Variants in AKT3 observed in about 807,000 individuals in gnomAD.
AKT3 encodes the protein RAC-gamma serine/threonine-protein kinase.
In AKT3, 15 loss-of-function variants were observed where a neutral mutation model predicts 65.3. That is an observed-to-expected ratio of 0.23 (90% confidence interval 0.15 to 0.35). The LOEUF (loss-of-function observed/expected upper bound fraction) is 0.35, where lower values mean the gene tolerates loss of function less well. AKT3 is among the 10% of genes least tolerant of loss of function. The pLI, the probability that AKT3 is intolerant of heterozygous loss-of-function variation, is 1.00. For synonymous variants in AKT3, 206 were observed against 183.8 expected, an observed-to-expected ratio of 1.12 and a Z score of -0.98; for missense variants, 243 against 576.5, an observed-to-expected ratio of 0.42 and a Z score of 5.92.
In AKT3 at chr1:243,641,260, A is replaced by G. The variant is rs202220149; in HGVS notation, c.430-3518T>C. 1.2e-4 allele frequency among the ~76,000 whole-genome samples: 17 copies of G among 145,234 alleles called. No individual in the cohort carries two copies. In the East Asian group the frequency reaches 1.6e-3, roughly 14 times the overall value. On this transcript the variant is annotated intron_variant, in intron 5 of 13. Transcript: ENST00000673466. ...AAACTCCATATATATGTGTGTGTGT[A>G]TATATATATATATACACACACACAC...
At chr1:243,698,517 T>C (rs1172132772) in intron 2 of AKT3, among the ~76,000 whole-genome samples, 1 of 152,108 alleles carries the variant, frequency 6.6e-6, no homozygotes, top group Non-Finnish European at 1.5e-5. Context: ...TGTATCTTTT[T>C]TATTAAGCAG....
At chr1:243,565,715 C>T (rs919920377) in intron 9 of AKT3, among the ~76,000 whole-genome samples, 4 of 152,130 alleles carry the variant, frequency 2.6e-5, no homozygotes, top group Non-Finnish European at 4.4e-5. Context: ...CTCTTCTCAG[C>T]CTCTGGTTTC....
At chr1:243,522,426 G>C (rs764714583) in intron 12 of AKT3, among the ~76,000 whole-genome samples, 8 of 152,216 alleles carry the variant, frequency 5.3e-5, no homozygotes, top group Non-Finnish European at 7.3e-5. Context: ...AGGAGGCCAA[G>C]TTGGGCAGAT....
intron 8 of AKT3, among the ~76,000 whole-genome samples, chr1:243,578,952 C>T (rs527632469): frequency 2.7e-4 from 41 of 152,262 alleles, no homozygotes; most frequent in African/African-American, 9.1e-4. Flanking sequence ...GCAGAAAAGA[C>T]ATTCAAAGAA....
chr1:243,766,968 A>G (rs1572308784), intron 2 of AKT3, among the ~76,000 whole-genome samples: 1 of 152,158 alleles, frequency 6.6e-6, no homozygotes, highest in East Asian at 1.9e-4. Context: ...TTATGATGAC[A>G]ATGGCATACC....
In AKT3 at chr1:243,728,256, AAC is replaced by A. The variant is rs988436651; in HGVS notation, c.47-32542_47-32541del. On this transcript the variant is annotated intron_variant, in intron 2 of 13. Transcript: ENST00000673466. ...AATGGTCATCATCCAATTTTAATCAAACACACACACACACCCAGTATTCACTC... is the reference window on the plus strand; with the variant it reads ...AATGGTCATCATCCAATTTTAATCAAACACACACACACCCAGTATTCACTC... 7.9e-5 allele frequency among the ~76,000 whole-genome samples: 12 copies of A among 152,158 alleles called. 1 individual carries two copies. The South Asian group carries it at 1.2e-3, about 16-fold the overall frequency.
chr1:243,644,646 A>G (rs1337356205), intron 5 of AKT3, among the ~76,000 whole-genome samples: 2 of 152,214 alleles, frequency 1.3e-5, no homozygotes, highest in African/African-American at 2.4e-5. Flanking sequence ...ACATCACTCT[A>G]AAACATCTTC....
At chr1:243,690,572 C>G (rs1445685715) in intron 3 of AKT3, among the ~76,000 whole-genome samples, 1 of 152,082 alleles carries the variant, frequency 6.6e-6, no homozygotes, top group African/African-American at 2.4e-5. Flanking sequence ...TTATGTGATC[C>G]ACCCAAAGAA....
At chr1:243,546,074 G>T (rs1460878114) in intron 11 of AKT3, among the ~76,000 whole-genome samples, 1 of 152,086 alleles carries the variant, frequency 6.6e-6, no homozygotes, top group Non-Finnish European at 1.5e-5. Context: ...AATCATGGGG[G>T]CAGGTTTTTC....
chr1:243,550,205 G>A (rs899333937), intron 11 of AKT3, among the ~76,000 whole-genome samples: 11 of 152,198 alleles, frequency 7.2e-5, no homozygotes, highest in African/African-American at 2.7e-4. Flanking sequence ...CTAGAGCAGA[G>A]ACTGGTTCAT....
chr1:243,594,427 C>T (rs899849702), intron 8 of AKT3, among the ~76,000 whole-genome samples: 1 of 152,114 alleles, frequency 6.6e-6, no homozygotes, highest in African/African-American at 2.4e-5. Context: ...AGAGTCAAAA[C>T]AATTCTGAAA....
At chr1:243,571,916 T>C (rs1674591459) in intron 9 of AKT3, among the ~76,000 whole-genome samples, 1 of 152,254 alleles carries the variant, frequency 6.6e-6, no homozygotes, top group Non-Finnish European at 1.5e-5. Context: ...CAACATCTTA[T>C]AGCTTCTATA....
chr1:243,819,580 A>C (rs1351139447), intron 2 of AKT3, among the ~76,000 whole-genome samples: 2 of 152,188 alleles, frequency 1.3e-5, no homozygotes, highest in African/African-American at 4.8e-5. Flanking sequence ...GCTCTGAGGA[A>C]TCCAGGTAGT....
intron 13 of AKT3, among the ~76,000 whole-genome samples, chr1:243,491,606 A>G (rs754633842): frequency 1.3e-5 from 2 of 152,218 alleles, no homozygotes; most frequent in Non-Finnish European, 2.9e-5. Flanking sequence ...ACCTCTAGGT[A>G]GGGGCTGTCA....
At chr1:243,529,283 C>A (rs1433275910) in intron 12 of AKT3, among the ~76,000 whole-genome samples, 2 of 151,628 alleles carry the variant, frequency 1.3e-5, no homozygotes, top group Non-Finnish European at 2.9e-5. Context: ...GTCTCTTTTG[C>A]TGTGCAGAAG....
intron 11 of AKT3, chr1:243,548,025 G>T (rs1396734974): frequency 6.6e-6 from 1 of 152,188 alleles, no homozygotes; most frequent in Non-Finnish European, 1.5e-5. Context: ...CAGTTGTGTA[G>T]GTTTCTTTCC....
At chr1:243,635,184 AAAC>A (rs1391307314) in intron 6 of AKT3, among the ~76,000 whole-genome samples, 1 of 152,002 alleles carries the variant, frequency 6.6e-6, no homozygotes, top group Non-Finnish European at 1.5e-5. Context: ...TGTAGAAATT[AAAC>A]AACAGACACA....
At chr1:243,588,960 T>C (rs1299689480) in intron 8 of AKT3, among the ~76,000 whole-genome samples, 1 of 152,030 alleles carries the variant, frequency 6.6e-6, no homozygotes, top group African/African-American at 2.4e-5. Flanking sequence ...ACCTATGGAA[T>C]GGGAGAAAAT....
intron 12 of AKT3, among the ~76,000 whole-genome samples, chr1:243,523,900 T>C (rs1369121924): frequency 3.3e-5 from 5 of 151,938 alleles, no homozygotes; most frequent in Admixed American, 6.5e-5. Context: ...TACCATAAAC[T>C]ACAGTCATGT....
Sources: allele counts gnomAD v4.1 joint callset (sites outside exome capture counted in the v4.1 genomes callset), GRCh38; gene constraint gnomAD v4.1.1; transcripts MANE v1.5; gene names NCBI Gene and HGNC (gene_info 2026-07-23, HGNC 2026-07-21).